Variants in NEK10 observed in about 807,000 individuals in gnomAD.
NEK10 encodes the protein serine/threonine-protein kinase Nek10.
NEK10 carries 122 observed loss-of-function variants against 159.8 expected under a neutral mutation model. The ratio of observed to expected loss-of-function variants is 0.76; its 90% CI spans 0.66 to 0.89. The LOEUF is 0.89. NEK10 is among the 40% of genes least tolerant of loss of function. NEK10 has a pLI of 0.00. For synonymous variants in NEK10, 466 were observed against 457.1 expected (o/e 1.02, Z -0.25); for missense variants, 1,342 against 1,323.1 (o/e 1.01, Z -0.22).
chr3:27,255,223 A>G (rs1343796487), intron 23 of NEK10: 8 of 358,764 alleles, frequency 2.2e-5, no homozygotes, highest in Middle Eastern at 3.7e-4. Flanking sequence ...TGTTAAGAGG[A>G]TAAGTAGACA....
At chr3:27,347,785 T>C (rs575359256) in intron 3 of NEK10, among the ~76,000 whole-genome samples, 3 of 152,284 alleles carry the variant, frequency 2.0e-5, no homozygotes, top group East Asian at 1.9e-4. Context: ...CAATGCTTAG[T>C]GGTTAAGAGA....
At chr3:27,112,131 T>G (rs1364974251) in intron 35 of NEK10, among the ~76,000 whole-genome samples, 1 of 152,194 alleles carries the variant, frequency 6.6e-6, no homozygotes, top group African/African-American at 2.4e-5. Context: ...ATGCAGCATT[T>G]TATGCCTGAG....
At chr3:27,322,152 A>T (rs2045685231) in intron 6 of NEK10, 25 bp downstream of exon 6, 1 of 1,311,136 alleles carries the variant, frequency 7.6e-7, no homozygotes, top group Non-Finnish European at 1.1e-6. Context: ...CAAGTAAAAA[A>T]AAAAATTGTA....
chr3:27,290,434 C>T (rs2042916761), intron 19 of NEK10, among the ~76,000 whole-genome samples, 183 bp downstream of exon 19: 1 of 152,164 alleles, frequency 6.6e-6, no homozygotes, highest in African/African-American at 2.4e-5. Flanking sequence ...AAACTCCAGA[C>T]AGTGTTTTAT....
At chr3:27,253,108 C>G (rs1191796928) in intron 23 of NEK10, among the ~76,000 whole-genome samples, 2 of 152,008 alleles carry the variant, frequency 1.3e-5, no homozygotes, top group Non-Finnish European at 2.9e-5. Flanking sequence ...TTTGATCCAT[C>G]CAATTTAAAG....
chr3:27,259,215 T>C (rs1416939564), intron 22 of NEK10, among the ~76,000 whole-genome samples: 2 of 152,224 alleles, frequency 1.3e-5, no homozygotes, highest in African/African-American at 4.8e-5. Flanking sequence ...AGAAGCTCTT[T>C]AGCTTAATTA....
At position 27,107,928 on chromosome 3, in the gene NEK10, C is replaced by T. The variant is rs1022181671; in HGVS notation, c.*3344G>A. ...AGAGAAAAATAGCAATACATACATG[C>T]TATAATACATCAAATCAAAAAGAGG... On this transcript the variant is annotated 3_prime_UTR_variant, in exon 36 of 36. Transcript: ENST00000691995. Among the ~76,000 whole-genome samples, 6 of 152,118 alleles carry T rather than the reference C, an allele frequency of 3.9e-5. No homozygotes were observed. The highest frequency in any genetic ancestry group is 4.8e-5 in the African/African-American group (2 of 41,416).
intron 13 of NEK10, among the ~76,000 whole-genome samples, chr3:27,299,298 G>A (rs1441233009): frequency 6.6e-6 from 1 of 152,194 alleles, no homozygotes; most frequent in Non-Finnish European, 1.5e-5. Flanking sequence ...TGCTTCAGAG[G>A]GTGGAAGCCC....
chr3:27,331,578 T>G (rs567719470), intron 5 of NEK10, among the ~76,000 whole-genome samples: 1 of 152,204 alleles, frequency 6.6e-6, no homozygotes, highest in Non-Finnish European at 1.5e-5. Flanking sequence ...CCCTCTGCGA[T>G]GGAGTCTGGA....
At chr3:27,299,885 G>A (rs1023247336) in intron 13 of NEK10, among the ~76,000 whole-genome samples, 2 of 152,174 alleles carry the variant, frequency 1.3e-5, no homozygotes, top group African/African-American at 4.8e-5. Context: ...TCCAATGTCT[G>A]TACCCCATTG....
At chr3:27,175,719 A>G (rs1246091895) in intron 26 of NEK10, among the ~76,000 whole-genome samples, 1 of 152,216 alleles carries the variant, frequency 6.6e-6, no homozygotes, top group African/African-American at 2.4e-5. Context: ...GTGGGGCTAA[A>G]CAGTGCTGGC....
intron 30 of NEK10, among the ~76,000 whole-genome samples, chr3:27,147,467 GAAGCTGAGTCA>G (rs1944415629): frequency 6.6e-6 from 1 of 152,216 alleles, no homozygotes; most frequent in Non-Finnish European, 1.5e-5. Context: ...AGAATGGCAG[GAAGCTGAGTCA>G]AAGCATCAGC....
chr3:27,187,246 T>C (rs1311949710), intron 26 of NEK10, among the ~76,000 whole-genome samples: 1 of 152,144 alleles, frequency 6.6e-6, no homozygotes, highest in East Asian at 1.9e-4. Context: ...GACATGGGGA[T>C]GCTTAAGCTT....
intron 23 of NEK10, among the ~76,000 whole-genome samples, chr3:27,210,566 C>G (rs1322526675): frequency 6.6e-6 from 1 of 152,198 alleles, no homozygotes; most frequent in African/African-American, 2.4e-5. Flanking sequence ...TTGTCCCTCC[C>G]TCCCATAACC....
intron 22 of NEK10, among the ~76,000 whole-genome samples, chr3:27,269,620 G>A (rs141407435): frequency 5.3e-4 from 81 of 152,302 alleles, no homozygotes; most frequent in African/African-American, 1.9e-3. Context: ...ATAACATAAT[G>A]TGAACACAAC....
intron 13 of NEK10, among the ~76,000 whole-genome samples, chr3:27,299,966 A>G (rs987575444): frequency 6.6e-6 from 1 of 152,160 alleles, no homozygotes; most frequent in Non-Finnish European, 1.5e-5. Context: ...CTTGTCTCAG[A>G]TGAGATGTTG....
At chr3:27,253,943 A>G (rs9814741) in intron 23 of NEK10, among the ~76,000 whole-genome samples, 73,078 of 152,048 alleles carry the variant, frequency 0.48, 21,078 homozygotes, top group African/African-American at 0.82. Flanking sequence ...TCTGCCTGGA[A>G]TGCCCCAGCC....
chr3:27,238,031 GT>G (rs973501143), intron 23 of NEK10, among the ~76,000 whole-genome samples: 10 of 152,158 alleles, frequency 6.6e-5, no homozygotes, highest in African/African-American at 2.4e-4. Context: ...TGTAGTCAGG[GT>G]TTTTTATTTG....
chr3:27,143,624 T>C (rs1293781065), intron 30 of NEK10: 1 of 484,806 alleles, frequency 2.1e-6, no homozygotes, highest in South Asian at 3.9e-5. Flanking sequence ...GAAATACTTT[T>C]GATTACTTAG....
Sources: gnomAD v4.1 joint callset for allele counts (sites outside exome capture counted in the v4.1 genomes callset) on GRCh38, gnomAD v4.1.1 for gene constraint, MANE v1.5 for transcripts, NCBI Gene and HGNC (gene_info 2026-07-23, HGNC 2026-07-21) for gene names.